The following GIMAP8 variants were observed in gnomAD, a reference collection of about 807,000 sequenced individuals.
GIMAP8 encodes the protein GTPase IMAP family member 8.
In GIMAP8, 29 loss-of-function variants were observed where a neutral mutation model predicts 35.6. That is an observed-to-expected ratio of 0.81 (90% CI 0.61 to 1.11). The LOEUF (loss-of-function observed/expected upper bound fraction) is 1.11, where lower values mean the gene tolerates loss of function less well. GIMAP8 is among the 50% of genes most tolerant of loss of function. GIMAP8 has a pLI of 0.00. For missense variants in GIMAP8, 811 were observed against 805.0 expected, an observed-to-expected ratio of 1.01 and a Z score of -0.09; for synonymous variants, 335 against 308.7, an observed-to-expected ratio of 1.09 and a Z score of -0.89.
chr7:150,472,129 G>A lies in GIMAP8; in HGVS notation c.682+1255G>A, dbSNP rs368773207. 1.3e-5 allele frequency among the ~76,000 whole-genome samples: 2 copies of A among 152,126 alleles called. No individual in the cohort carries two copies. Among genetic ancestry groups the A allele is most frequent in the Admixed American group, 6.5e-5 (1 of 15,272 alleles). ...AACAAAAGTGCGTTTATTGACCTGT[G>A]GCTGTGAGGGCCCAGCACACCATGG... On this transcript the variant is annotated intron_variant, in intron 3 of 4. Coordinates refer to ENST00000307271, the MANE Select transcript of GIMAP8 (RefSeq NM_175571.4). This position sits in a 1 kb window ranked among gnomAD's most constrained non-coding sequence, Gnocchi z 4.1.
chr7:150,469,345 G>A (rs1054590822), intron 2 of GIMAP8, among the ~76,000 whole-genome samples: 9 of 152,172 alleles, frequency 5.9e-5, no homozygotes, highest in African/African-American at 2.2e-4. Flanking sequence ...GCCTTGGAAT[G>A]AGCCCCACAG....
intron 1 of GIMAP8, among the ~76,000 whole-genome samples, chr7:150,456,548 A>T (rs970002300): frequency 6.6e-6 from 1 of 152,148 alleles, no homozygotes; most frequent in Non-Finnish European, 1.5e-5. Flanking sequence ...CACTGAGCCC[A>T]CCTGGATGAT....
chr7:150,455,125 C>T (rs143469936), intron 1 of GIMAP8, among the ~76,000 whole-genome samples: 2,698 of 121,974 alleles, frequency 0.022, 39 homozygotes, highest in Middle Eastern at 0.038. Context: ...GCAACAAGAG[C>T]GAAATTCCAT....
intron 1 of GIMAP8, among the ~76,000 whole-genome samples, chr7:150,462,377 A>G (rs974892768): frequency 2.6e-5 from 4 of 152,176 alleles, no homozygotes; most frequent in Non-Finnish European, 4.4e-5. Flanking sequence ...GTGGTTTTCT[A>G]TAGTAATAAC....
intron 4 of GIMAP8, among the ~76,000 whole-genome samples, chr7:150,475,640 G>A (rs1802212147): frequency 6.7e-6 from 1 of 150,372 alleles, no homozygotes; most frequent in Non-Finnish European, 1.5e-5. Flanking sequence ...TACTCATCCC[G>A]TTTTTTTTTC....
intron 1 of GIMAP8, among the ~76,000 whole-genome samples, chr7:150,452,675 G>T (rs867827605): frequency 5.0e-4 from 40 of 79,644 alleles, no homozygotes; most frequent in African/African-American, 1.6e-3. Flanking sequence ...GTGTGTGTGA[G>T]ATATATATAT....
Position 150,477,637 on chromosome 7 carries a change from AC to A in GIMAP8, c.1856del (p.Thr619LysfsTer6), listed in dbSNP as rs1460119907. 5 of 1,614,118 alleles carry A rather than the reference AC, an allele frequency of 3.1e-6. No individual in the cohort carries two copies. Among genetic ancestry groups the A allele is most frequent in the Non-Finnish European group, 4.2e-6 (5 of 1,180,054 alleles). On this transcript the variant is annotated frameshift_variant, in exon 5 of 5. Coordinates refer to ENST00000307271, the MANE Select transcript of GIMAP8 (RefSeq NM_175571.4). LOFTEE classifies it low-confidence loss of function (END_TRUNC). ...AQETQVKALL[T>X]KVNDLRKESG... ...GGAAACCCAGGTGAAAGCTCTTTTA[AC>A]AAAGGTCAATGATCTGAGAAAAGAA...
At chr7:150,471,666 G>C (rs994697030) in intron 3 of GIMAP8, among the ~76,000 whole-genome samples, 1 of 152,078 alleles carries the variant, frequency 6.6e-6, no homozygotes, top group Non-Finnish European at 1.5e-5. Context: ...GCAAAACCCT[G>C]TCTCTACTAA....
At chr7:150,468,089 C>T (rs1802011024) in intron 2 of GIMAP8, among the ~76,000 whole-genome samples, 1 of 152,208 alleles carries the variant, frequency 6.6e-6, no homozygotes, top group South Asian at 2.1e-4. Flanking sequence ...CTTGGAGAGC[C>T]AAGAAATCAT....
At chr7:150,459,357 T>C (rs913766462) in intron 1 of GIMAP8, among the ~76,000 whole-genome samples, 2 of 152,214 alleles carry the variant, frequency 1.3e-5, no homozygotes, top group African/African-American at 4.8e-5. Flanking sequence ...TCTAGTTCAA[T>C]GGAGTCATTG....
chr7:150,473,967 T>C (rs1453970859), intron 3 of GIMAP8, 45 bp from the exon 4 acceptor site: 1 of 1,559,776 alleles, frequency 6.4e-7, no homozygotes, highest in South Asian at 1.2e-5. Flanking sequence ...CACATCCATA[T>C]TCAACTGCAG....
chr7:150,474,595 G>T lies in GIMAP8; in HGVS notation c.1266G>T (p.Met422Ile). The change falls in exon 4 of 5, where the codon ATG becomes ATT. Residue 422 changes from methionine (M) to isoleucine (I), a missense_variant. Coordinates refer to ENST00000307271, the MANE Select transcript of GIMAP8 (RefSeq NM_175571.4). The part of the protein sequence containing the change: ...ADELLEKIES[M>I]VHQNGNKHCV... ...AGCTCCTGGAAAAAATTGAGAGCATGGTGCATCAGAATGGGAACAAGCATT... is the reference window on the plus strand; with the variant it reads ...AGCTCCTGGAAAAAATTGAGAGCATTGTGCATCAGAATGGGAACAAGCATT... 6.2e-7 allele frequency: 1 copy of T among 1,611,560 alleles called. No homozygotes were observed. The highest frequency in any genetic ancestry group is 8.5e-7 in the Non-Finnish European group (1 of 1,179,238).
chr7:150,466,086 C>T (rs1029917151), intron 1 of GIMAP8, among the ~76,000 whole-genome samples: 5 of 152,172 alleles, frequency 3.3e-5, no homozygotes, highest in Non-Finnish European at 7.4e-5. Flanking sequence ...GGGTGCATCA[C>T]GAGTCCCACA....
chr7:150,474,250 A>G lies in GIMAP8; in HGVS notation c.921A>G (p.Ser307=). The G allele has an allele frequency of 6.2e-7, 1 of 1,614,114 alleles. No homozygotes were observed. Among genetic ancestry groups the G allele is most frequent in the Non-Finnish European group, 8.5e-7 (1 of 1,179,954 alleles). The change falls in exon 4 of 5, where the codon TCA becomes TCG. Residue 307 remains serine (S), a synonymous_variant. Transcript: ENST00000307271. ...KVSIIDAPDI[S]SLKNIDSEVR... ...CGATCATTGATGCTCCGGACATCTC[A>G]TCTTTAAAGAACATTGACTCAGAAG...
intron 1 of GIMAP8, among the ~76,000 whole-genome samples, chr7:150,464,592 G>A (rs6966253): frequency 0.021 from 3,157 of 152,216 alleles, 126 homozygotes; most frequent in African/African-American, 0.073. Flanking sequence ...GTCGAGGCAG[G>A]AGATGACTTG....
At chr7:150,453,992 G>T (rs557020383) in intron 1 of GIMAP8, among the ~76,000 whole-genome samples, 47 of 152,264 alleles carry the variant, frequency 3.1e-4, no homozygotes, top group African/African-American at 1.1e-3. Context: ...GTGGAGGCTG[G>T]AGAGGGCCTC....
In GIMAP8 at chr7:150,451,079, G is replaced by C. The variant is rs546400982; in HGVS notation, c.-125G>C. On this transcript the variant is annotated 5_prime_UTR_variant, in exon 1 of 5. Coordinates refer to ENST00000307271, the MANE Select transcript of GIMAP8 (RefSeq NM_175571.4). The surrounding 1 kb of genome is among the most constrained non-coding windows in gnomAD (Gnocchi z 4.1). ...AAACCCTCCTGCCAGGAAGACCAGG[G>C]CCTGGGAAGAGGGTCGCTCTCCGGC... The C allele has an allele frequency of 2.0e-5, 3 of 152,350 alleles. No individual in the cohort carries two copies. The highest frequency in any genetic ancestry group is 7.2e-5 in the African/African-American group (3 of 41,462). 9.4% of individuals were successfully genotyped at this position (152,350 alleles called of 1,614,324 possible).
chr7:150,457,251 T>C (rs1281037601), intron 1 of GIMAP8, among the ~76,000 whole-genome samples: 1 of 152,268 alleles, frequency 6.6e-6, no homozygotes, highest in Non-Finnish European at 1.5e-5. Flanking sequence ...GTTTGTGGTT[T>C]AGGAACACCT....
rs182772158 is a variant in GIMAP8 at position 150,477,725 on chromosome 7, A to C, written c.1943A>C (p.Gln648Pro). 139 of 1,614,110 alleles carry C rather than the reference A, an allele frequency of 8.6e-5. No homozygotes were observed. The African/African-American group carries it at 1.3e-3, about 16-fold the overall frequency. The change falls in exon 5 of 5, where the codon CAG becomes CCG. Residue 648 changes from glutamine to proline, a missense_variant. By Grantham distance (76) the Gln-to-Pro change is moderately conservative. Coordinates refer to ENST00000307271, the MANE Select transcript of GIMAP8 (RefSeq NM_175571.4). ...ENVSKLIKNV[Q>P]EMSQAEKLLK... ...GTCAGCAAACTAATTAAAAATGTCC[A>C]GGAAATGTCCCAAGCCGAAAAACTC...
Sources: gnomAD v4.1 joint callset for allele counts (sites outside exome capture counted in the v4.1 genomes callset) on GRCh38, gnomAD v4.1.1 for gene constraint, Gnocchi (gnomAD v3.1) non-coding constraint, MANE v1.5 for transcripts, NCBI Gene and HGNC (gene_info 2026-07-23, HGNC 2026-07-21) for gene names.